KIF26B: variants seen among roughly 807,000 people sequenced by gnomAD.
KIF26B encodes the protein kinesin family member 26B.
Under a neutral mutation model 151.2 loss-of-function variants are expected in KIF26B, and 63 were observed. The observed-to-expected ratio is 0.42, with a 90% CI of 0.34 to 0.51. KIF26B has a LOEUF of 0.51. Among genes scored for constraint, KIF26B ranks in the 20% least tolerant of loss-of-function variants. The pLI is 0.07. For synonymous variants in KIF26B, 1,357 were observed against 1,262.1 expected (o/e 1.08, Z -1.59); for missense variants, 2,813 against 2,913.6 (o/e 0.97, Z 0.79).
chr1:245,260,446 G>A (rs1382797480), intron 2 of KIF26B, among the ~76,000 whole-genome samples: 1 of 152,216 alleles, frequency 6.6e-6, no homozygotes, highest in Non-Finnish European at 1.5e-5. Context: ...TCAGGTACCT[G>A]TAAGAAGAGA....
chr1:245,166,251 C>T lies in KIF26B; in HGVS notation c.465+9568C>T, dbSNP rs1489149989. Among the ~76,000 whole-genome samples the T allele has an allele frequency of 6.6e-6, 1 of 152,122 alleles. No individual in the cohort carries two copies. Among genetic ancestry groups the T allele is most frequent in the Non-Finnish European group, 1.5e-5 (1 of 68,006 alleles). On this transcript the variant is annotated intron_variant, in intron 2 of 14. Transcript: ENST00000407071. The surrounding 1 kb of genome is among the most constrained non-coding windows in gnomAD (Gnocchi z 4.5). ...GAATTTTATATAAGATTCCTACCCT[C>T]CTTCCTTCCCTCCTTCCTTCCCTCT...
rs2044567625 is a variant in KIF26B at position 245,688,377 on chromosome 1, G to C, written c.5394G>C (p.Lys1798Asn). Reference protein sequence around the residue: ...SRNRSSGLASKLPLRAVSGRI... With the variant: ...SRNRSSGLASNLPLRAVSGRI... ...ACAGGAGCTCGGGCCTGGCCTCCAA[G>C]CTTCCCCTGCGGGCCGTCAGCGGGC... is the stretch of plus-strand genomic sequence containing the variant. The change falls in exon 12 of 15, where the codon AAG becomes AAC. Residue 1798 changes from lysine (K) to asparagine (N), a missense_variant. By Grantham distance (94) the Lys-to-Asn change is moderately conservative. Coordinates refer to ENST00000407071, the MANE Select transcript of KIF26B (RefSeq NM_018012.4). 9 of 1,533,390 alleles carry C rather than the reference G, an allele frequency of 5.9e-6. No individual in the cohort carries two copies. Among genetic ancestry groups the C allele is most frequent in the Middle Eastern group, 1.7e-4 (1 of 5,898 alleles). The allele number at this position is 1,533,390 out of a possible 1,614,324, so 95.0% of individuals were successfully genotyped here.
At chr1:245,455,501 G>GA (rs1206794213) in intron 4 of KIF26B, among the ~76,000 whole-genome samples, 3 of 151,846 alleles carry the variant, frequency 2.0e-5, no homozygotes, top group Admixed American at 6.6e-5. Context: ...AGATCTGTCT[G>GA]AAAAAAACAA....
At chr1:245,596,047 C>A (rs1400464372) in intron 5 of KIF26B, among the ~76,000 whole-genome samples, 1 of 152,048 alleles carries the variant, frequency 6.6e-6, no homozygotes, top group African/African-American at 2.4e-5. Context: ...TTTGATTCTT[C>A]TCTCTTTTCT....
intron 2 of KIF26B, among the ~76,000 whole-genome samples, chr1:245,333,492 T>C (rs1672159576): frequency 1.3e-5 from 2 of 152,090 alleles, no homozygotes; most frequent in African/African-American, 2.4e-5. Flanking sequence ...GAGTTTCAGT[T>C]TGGGAAGATG....
chr1:245,262,703 C>T (rs1276210607), intron 2 of KIF26B, among the ~76,000 whole-genome samples: 3 of 152,320 alleles, frequency 2.0e-5, no homozygotes, highest in South Asian at 2.1e-4. Flanking sequence ...GATCCTCCCA[C>T]CTCGGCCTCC....
chr1:245,567,964 A>G (rs2043026399), intron 5 of KIF26B, among the ~76,000 whole-genome samples: 1 of 151,994 alleles, frequency 6.6e-6, no homozygotes, highest in Admixed American at 6.6e-5. Flanking sequence ...CAGGCAGATC[A>G]CCTGCGGTCT....
intron 12 of KIF26B, among the ~76,000 whole-genome samples, chr1:245,695,039 G>A (rs935165278): frequency 2.6e-5 from 4 of 152,140 alleles, no homozygotes; most frequent in Admixed American, 6.5e-5. Flanking sequence ...GGCTTCCCCT[G>A]TACCTTTCTT....
At chr1:245,445,143 A>G (rs1659218098) in intron 4 of KIF26B, among the ~76,000 whole-genome samples, 1 of 152,184 alleles carries the variant, frequency 6.6e-6, no homozygotes, top group African/African-American at 2.4e-5. Context: ...TACTCTTGTG[A>G]CTAAGCGGAG....
chr1:245,688,526 C>G lies in KIF26B; in HGVS notation c.5543C>G (p.Pro1848Arg), dbSNP rs1456768616. ...GAGCCCGCGGCCGCGCACCTGCTCC[C>G]GTCGCCCTACAGCAAGATCACGCCC... ...EDEPAAAHLL[P>R]SPYSKITPPR... Residue 1848 changes from proline to arginine, a missense_variant, in exon 12 of 15, where the codon CCG (proline) becomes CGG (arginine). Physicochemically the swap from Pro to Arg is moderately radical, Grantham distance 103. Coordinates refer to ENST00000407071, the MANE Select transcript of KIF26B (RefSeq NM_018012.4). 2.0e-6 allele frequency: 3 copies of G among 1,528,434 alleles called. No homozygotes were observed. Among genetic ancestry groups the G allele is most frequent in the South Asian group, 2.4e-5 (2 of 82,966 alleles). 94.7% of individuals were successfully genotyped at this position (1,528,434 alleles called of 1,614,324 possible).
chr1:245,600,204 A>G (rs1186495332), intron 5 of KIF26B, among the ~76,000 whole-genome samples: 3 of 117,564 alleles, frequency 2.6e-5, no homozygotes, highest in African/African-American at 9.9e-5. Flanking sequence ...ATGCCCGGCT[A>G]ATTTTTTGTA....
rs2147956652 is a variant in KIF26B, at chr1:245,687,569, A to C, written c.4586A>C (p.Asn1529Thr). The C allele has an allele frequency of 1.3e-6, 2 of 1,565,432 alleles. No homozygotes were observed. Among genetic ancestry groups the C allele is most frequent in the East Asian group, 2.4e-5 (1 of 41,794 alleles). ...GLATQSPVHP[N>T]KSVKSSSLPR... ...GCCACCCAGAGCCCCGTGCATCCCAACAAAAGCGTCAAGTCCAGCAGCCTT... is the reference window on the plus strand; with the variant it reads ...GCCACCCAGAGCCCCGTGCATCCCACCAAAAGCGTCAAGTCCAGCAGCCTT... Residue 1529 changes from asparagine (N) to threonine (T), a missense_variant, in exon 12 of 15, where the codon AAC (asparagine) becomes ACC (threonine). This residue lies in a region of KIF26B where 2,060 missense variants were observed against 2,088.6 expected (regional missense o/e 0.99). Coordinates refer to ENST00000407071, the MANE Select transcript of KIF26B (RefSeq NM_018012.4). The surrounding 1 kb of genome is among the most constrained non-coding windows in gnomAD (Gnocchi z 4.9).
At chr1:245,305,546 C>A (rs938905723) in intron 2 of KIF26B, among the ~76,000 whole-genome samples, 1 of 152,166 alleles carries the variant, frequency 6.6e-6, no homozygotes, top group African/African-American at 2.4e-5. Context: ...CAATGAGATA[C>A]CCCTCATTTA....
chr1:245,537,258 T>C (rs1386622802), intron 4 of KIF26B, among the ~76,000 whole-genome samples: 1 of 152,094 alleles, frequency 6.6e-6, no homozygotes, highest in Non-Finnish European at 1.5e-5. Context: ...GAGATGGGGA[T>C]TGGACCAAGA....
intron 2 of KIF26B, among the ~76,000 whole-genome samples, chr1:245,157,991 A>T (rs894408228): frequency 2.6e-5 from 4 of 152,242 alleles, no homozygotes; most frequent in Non-Finnish European, 5.9e-5. Flanking sequence ...CGTGGAGCTT[A>T]GATTCTAGTG....
At position 245,352,839 on chromosome 1, in the gene KIF26B, G is replaced by C. The variant is rs965790507; in HGVS notation, c.466-13995G>C. Among the ~76,000 whole-genome samples the C allele has an allele frequency of 7.6e-6, 1 of 131,018 alleles. No individual in the cohort carries two copies. Among genetic ancestry groups the C allele is most frequent in the African/African-American group, 3.4e-5 (1 of 29,424 alleles). The allele number at this position is 131,018 out of a possible 152,430, so 86.0% of individuals were successfully genotyped here. A position where few individuals can be genotyped will look rare whatever the true frequency, so the allele number is the denominator to read the frequency against. Reference sequence around the variant, plus strand: ...TTTCTTCCTAAAGAGATGTACACGTGTGTGTGTGTGTGTGTGTGGTGGGCG... The same window carrying C: ...TTTCTTCCTAAAGAGATGTACACGTCTGTGTGTGTGTGTGTGTGGTGGGCG... On this transcript the variant is annotated intron_variant, in intron 2 of 14. Transcript: ENST00000407071. The surrounding 1 kb of genome is among the most constrained non-coding windows in gnomAD (Gnocchi z 5.0).
chr1:245,464,980 CCT>C, intron 4 of KIF26B, among the ~76,000 whole-genome samples: 1 of 96,008 alleles, frequency 1.0e-5, no homozygotes, highest in Non-Finnish European at 2.2e-5. Context: ...TTACCTCATG[CCT>C]TTTTTTTTTT....
At chr1:245,672,143 T>C (rs7554104) in intron 10 of KIF26B, among the ~76,000 whole-genome samples, 1 of 151,834 alleles carries the variant, frequency 6.6e-6, no homozygotes, top group Admixed American at 6.6e-5. Context: ...CTTGGTGGCA[T>C]TGGGCAAGCC....
chr1:245,617,411 A>G (rs937698134), intron 9 of KIF26B, among the ~76,000 whole-genome samples: 1 of 152,158 alleles, frequency 6.6e-6, no homozygotes, highest in East Asian at 1.9e-4. Flanking sequence ...TGACAATGCA[A>G]ATGTTTTCTT....
Sources: gnomAD v4.1 joint callset for allele counts (sites outside exome capture counted in the v4.1 genomes callset) on GRCh38, gnomAD v4.1.1 for gene constraint, gnomAD v4.1.1 regional missense constraint, Gnocchi (gnomAD v3.1) non-coding constraint, MANE v1.5 for transcripts, NCBI Gene and HGNC (gene_info 2026-07-23, HGNC 2026-07-21) for gene names.